The following SLC8A1 variants were observed in gnomAD, a reference collection of about 807,000 sequenced individuals.
The protein encoded by SLC8A1 is solute carrier family 8 member A1, also known as sodium/calcium exchanger 1.
SLC8A1 carries 18 observed loss-of-function variants against 68.3 expected under a neutral mutation model. The ratio of observed to expected loss-of-function variants is 0.26; its 90% CI spans 0.18 to 0.39. The LOEUF (loss-of-function observed/expected upper bound fraction) is 0.39. Among genes scored for constraint, SLC8A1 ranks in the 10% least tolerant of loss-of-function variants. The pLI, the probability that SLC8A1 is intolerant of heterozygous loss-of-function variation, is 1.00. For missense variants in SLC8A1, 985 were observed against 1,156.7 expected (o/e 0.85, Z 2.15); for synonymous variants, 475 against 415.5 (o/e 1.14, Z -1.74).
intron 2 of SLC8A1, among the ~76,000 whole-genome samples, chr2:40,269,177 G>T (rs919534639): frequency 6.6e-5 from 10 of 152,192 alleles, no homozygotes; most frequent in Admixed American, 2.0e-4. Flanking sequence ...ATCAATCCAG[G>T]TTTTTGTCTT....
At chr2:40,190,297 G>A (rs1297464115) in intron 2 of SLC8A1, among the ~76,000 whole-genome samples, 1 of 152,120 alleles carries the variant, frequency 6.6e-6, no homozygotes, top group Non-Finnish European at 1.5e-5. Context: ...CTTAATCACA[G>A]AAATCTCCCT....
At chr2:40,362,579 T>C (rs1422463269) in intron 2 of SLC8A1, among the ~76,000 whole-genome samples, 2 of 152,176 alleles carry the variant, frequency 1.3e-5, no homozygotes, top group Non-Finnish European at 2.9e-5. Context: ...ATAAAAATGA[T>C]ATATCTTCAT....
At chr2:40,272,621 C>T (rs2066186495) in intron 2 of SLC8A1, among the ~76,000 whole-genome samples, 1 of 152,242 alleles carries the variant, frequency 6.6e-6, no homozygotes. Context: ...CTCGCATGAG[C>T]TCACCACTAA....
chr2:40,244,576 A>C (rs1289200024), intron 2 of SLC8A1, among the ~76,000 whole-genome samples: 2 of 151,844 alleles, frequency 1.3e-5, no homozygotes, highest in African/African-American at 4.8e-5. Context: ...AAAAAAAAAA[A>C]AAAAAAAAAA....
intron 2 of SLC8A1, among the ~76,000 whole-genome samples, chr2:40,364,411 A>G (rs955014669): frequency 6.6e-6 from 1 of 151,658 alleles, no homozygotes; most frequent in Non-Finnish European, 1.5e-5. Flanking sequence ...ATTCATTAAA[A>G]ATGTAAGTAC....
At chr2:40,454,459 T>C (rs1290451110), upstream of SLC8A1, among the ~76,000 whole-genome samples, 1 of 150,994 alleles carries the variant, frequency 6.6e-6, no homozygotes, top group Non-Finnish European at 1.5e-5. Flanking sequence ...ACTCCAGTGA[T>C]GCCCAAAGTC....
chr2:40,241,297 C>G (rs1188681027), intron 2 of SLC8A1, among the ~76,000 whole-genome samples: 2 of 152,072 alleles, frequency 1.3e-5, no homozygotes. Context: ...GAGATAATCA[C>G]TGAGCATACA....
rs70957143 is a variant in SLC8A1, at chr2:40,107,279, C to CAAAAAAAAAAAAAAAAAAAAAAAAAAAAA, written c.*7973_*7974insTTTTTTTTTTTTTTTTTTTTTTTTTTTTT. 10 of 64,910 alleles carry CAAAAAAAAAAAAAAAAAAAAAAAAAAAAA rather than the reference C, an allele frequency of 1.5e-4. 1 individual carries two copies. Among genetic ancestry groups the CAAAAAAAAAAAAAAAAAAAAAAAAAAAAA allele is most frequent in the African/African-American group, 5.6e-4 (9 of 16,126 alleles). The allele number at this position is 64,910 out of a possible 1,614,324, so 4.0% of individuals were successfully genotyped here. A position where few individuals can be genotyped will look rare whatever the true frequency, so the allele number is the denominator to read the frequency against. On this transcript the variant is annotated 3_prime_UTR_variant, in exon 8 of 8. Transcript: ENST00000406785. ...TGGGCGACAGAGCGAGACTCCGTCT[C>CAAAAAAAAAAAAAAAAAAAAAAAAAAAAA]AAAAAAAAAAAAAAAAAAAAGAAAA...
At chr2:40,307,219 T>C (rs1371402257) in intron 2 of SLC8A1, among the ~76,000 whole-genome samples, 1 of 151,374 alleles carries the variant, frequency 6.6e-6, no homozygotes, top group Non-Finnish European at 1.5e-5. Context: ...TATTCAGCCT[T>C]AAAAAAGGAA....
At chr2:40,440,728 C>A (rs1410831968) in intron 1 of SLC8A1, among the ~76,000 whole-genome samples, 1 of 152,178 alleles carries the variant, frequency 6.6e-6, no homozygotes, top group Non-Finnish European at 1.5e-5. Flanking sequence ...TAAAATTCAA[C>A]ATCGCTTCAT....
intron 4 of SLC8A1, among the ~76,000 whole-genome samples, chr2:40,166,246 A>G (rs1434397427): frequency 6.6e-6 from 1 of 152,162 alleles, no homozygotes; most frequent in African/African-American, 2.4e-5. Flanking sequence ...TGTTGCAGGG[A>G]ATGAATGGTT....
At position 40,496,637 on chromosome 2, in the gene SLC8A1, C is replaced by G. The variant is rs190429687; in HGVS notation, c.-25+15712G>C. On this transcript the variant is annotated intron_variant, in intron 1 of 7. Transcript: ENST00000402441. ...TTTCTCGTCTGTGAATGTCCCCTCA[C>G]TTTGAGCCTGGTAAAATTGACAGTT... Among the ~76,000 whole-genome samples, 1,150 of 152,110 alleles carry G rather than the reference C, an allele frequency of 7.6e-3. 52 individuals are homozygous for G. The highest frequency in any genetic ancestry group is 0.068 in the Admixed American group (1,043 of 15,252).
At chr2:40,375,087 A>G (rs1053758406) in intron 2 of SLC8A1, among the ~76,000 whole-genome samples, 5 of 152,092 alleles carry the variant, frequency 3.3e-5, no homozygotes, top group Non-Finnish European at 2.9e-5. Flanking sequence ...TGGATTAATC[A>G]CCAAAGACTG....
chr2:40,235,124 AG>A (rs1201923066), intron 2 of SLC8A1, among the ~76,000 whole-genome samples: 1 of 152,116 alleles, frequency 6.6e-6, no homozygotes, highest in African/African-American at 2.4e-5. Context: ...AAAATGAGTT[AG>A]GGAGGATTCC....
chr2:40,409,882 C>A (rs1278213739), intron 2 of SLC8A1, among the ~76,000 whole-genome samples: 4 of 152,056 alleles, frequency 2.6e-5, no homozygotes, highest in Non-Finnish European at 5.9e-5. Flanking sequence ...ACCAATTAAT[C>A]TGAAAACTTA....
chr2:40,432,189 A>T (rs899302794), intron 1 of SLC8A1, among the ~76,000 whole-genome samples: 5 of 151,850 alleles, frequency 3.3e-5, no homozygotes, highest in African/African-American at 1.2e-4. Flanking sequence ...CATCCACAAT[A>T]TTTATGCATG....
chr2:40,240,382 G>A (rs974654708), intron 2 of SLC8A1, among the ~76,000 whole-genome samples: 7 of 152,106 alleles, frequency 4.6e-5, no homozygotes, highest in African/African-American at 1.4e-4. Context: ...TGATTGTTTT[G>A]GCTTCCTCTC....
chr2:40,276,490 A>G (rs1340077138), intron 2 of SLC8A1, among the ~76,000 whole-genome samples: 1 of 152,218 alleles, frequency 6.6e-6, no homozygotes, highest in Non-Finnish European at 1.5e-5. Context: ...ATTATTCTCT[A>G]GCCAACAGAA....
intron 1 of SLC8A1, among the ~76,000 whole-genome samples, chr2:40,440,405 T>C (rs1314846312): frequency 1.3e-5 from 2 of 152,164 alleles, no homozygotes; most frequent in Non-Finnish European, 1.5e-5. Flanking sequence ...TTGAAGATAA[T>C]TTCTATCTAT....
Sources: gnomAD v4.1 joint callset for allele counts (sites outside exome capture counted in the v4.1 genomes callset) on GRCh38, gnomAD v4.1.1 for gene constraint, MANE v1.5 for transcripts, NCBI Gene and HGNC (gene_info 2026-07-23, HGNC 2026-07-21) for gene names.